Variants in B4GALT2 observed in about 807,000 individuals in gnomAD.
B4GALT2 encodes beta-1,4-galactosyltransferase 2, also known as N-acetyllactosamine synthase.
In B4GALT2, 18 loss-of-function variants were observed where a neutral mutation model predicts 33.2. That is an observed-to-expected ratio of 0.54 (90% CI 0.38 to 0.80). B4GALT2 has a LOEUF of 0.80. Ranked by LOEUF, B4GALT2 falls within the 30% of genes least tolerant of loss-of-function variation. The pLI, the probability that B4GALT2 is intolerant of heterozygous loss-of-function variation, is 0.00. For synonymous variants in B4GALT2, 214 were observed against 217.6 expected (o/e 0.98, Z 0.15); for missense variants, 404 against 526.2 (o/e 0.77, Z 2.27).
rs375329179 is a variant in B4GALT2, at chr1:43,981,140, G to A, written c.-21G>A. 92 of 1,596,454 alleles carry A rather than the reference G, an allele frequency of 5.8e-5. No individual in the cohort carries two copies. The African/African-American group carries it at 9.3e-4, about 16-fold the overall frequency. ...AGCCGGATGCCCGGGCCCACTGGGC[G>A]GGCCAGTGGCCGCCTGCGGGATGAG... On this transcript the variant is annotated 5_prime_UTR_variant, in exon 2 of 7. Coordinates refer to ENST00000372324, the MANE Select transcript of B4GALT2 (RefSeq NM_003780.5). The surrounding 1 kb of genome is among the most constrained non-coding windows in gnomAD (Gnocchi z 8.1).
In B4GALT2 at chr1:43,984,937, G is replaced by A. The variant is rs753370693; in HGVS notation, c.622G>A (p.Ala208Thr). 20 of 1,613,898 alleles carry A rather than the reference G, an allele frequency of 1.2e-5. No homozygotes were observed. The highest frequency in any genetic ancestry group is 8.9e-5 in the East Asian group (4 of 44,892). Reference protein sequence around the residue: ...GFLEALKEDAAYDCFIFSDVD... With the variant: ...GFLEALKEDATYDCFIFSDVD... ...CCTAGAGGCGCTGAAGGAGGATGCC[G>A]CCTATGACTGCTTCATCTTCAGCGA... is the stretch of plus-strand genomic sequence containing the variant. Residue 208 changes from alanine to threonine, a missense_variant, in exon 4 of 7, where the codon GCC becomes ACC. Coordinates refer to ENST00000372324, the MANE Select transcript of B4GALT2 (RefSeq NM_003780.5). This position sits in a 1 kb window ranked among gnomAD's most constrained non-coding sequence, Gnocchi z 5.6.
Position 43,981,146 on chromosome 1 carries a change from G to C in B4GALT2, c.-15G>C, listed in dbSNP as rs756580465. ...ATGCCCGGGCCCACTGGGCGGGCCA[G>C]TGGCCGCCTGCGGGATGAGCAGACT... On this transcript the variant is annotated 5_prime_UTR_variant, in exon 2 of 7. Transcript: ENST00000372324. This position sits in a 1 kb window ranked among gnomAD's most constrained non-coding sequence, Gnocchi z 8.1. The C allele has an allele frequency of 6.9e-6, 11 of 1,597,422 alleles. No homozygotes were observed. In the East Asian group the frequency reaches 2.2e-4, roughly 32 times the overall value.
chr1:43,980,535 GA>G, intron 1 of B4GALT2: 1 of 994,760 alleles, frequency 1.0e-6, no homozygotes, highest in Non-Finnish European at 1.2e-6. Context: ...TTGTCGCTGG[GA>G]TCTGAATGAC....
Position 43,984,399 on chromosome 1 carries a change from G to T in B4GALT2, c.550-466G>T, listed in dbSNP as rs2085633173. On this transcript the variant is annotated intron_variant, in intron 3 of 6. Transcript: ENST00000372324. This position sits in a 1 kb window ranked among gnomAD's most constrained non-coding sequence, Gnocchi z 5.6. Reference sequence around the variant, plus strand: ...AATCCCCGCTAGCACAAAGGAGAGAGCGCCACAGGGCATGTTTGAATGAGT... The same window carrying T: ...AATCCCCGCTAGCACAAAGGAGAGATCGCCACAGGGCATGTTTGAATGAGT... Among the ~76,000 whole-genome samples, 1 of 152,268 alleles carries T rather than the reference G, an allele frequency of 6.6e-6. No homozygotes were observed. The highest frequency in any genetic ancestry group is 2.4e-5 in the African/African-American group (1 of 41,478).
At chr1:43,980,779 C>T (rs1341536896) in intron 1 of B4GALT2, among the ~76,000 whole-genome samples, 9 of 152,072 alleles carry the variant, frequency 5.9e-5, no homozygotes, top group African/African-American at 1.9e-4. Context: ...TTAGAGTTCA[C>T]GTGTCTGTGT....
At chr1:43,983,462 G>A (rs1411238690) in intron 3 of B4GALT2, among the ~76,000 whole-genome samples, 1 of 152,230 alleles carries the variant, frequency 6.6e-6, no homozygotes, top group Non-Finnish European at 1.5e-5. Context: ...CTGTGGGGGT[G>A]TGAGGAGGGA....
chr1:43,990,381 G>C lies in B4GALT2; in HGVS notation c.1052G>C (p.Arg351Pro), dbSNP rs373333463. 1.2e-6 allele frequency: 2 copies of C among 1,613,990 alleles called. No individual in the cohort carries two copies. The highest frequency in any genetic ancestry group is 1.3e-5 in the African/African-American group (1 of 74,872). The change falls in exon 7 of 7, where the codon CGG (arginine) becomes CCG (proline). Residue 351 changes from arginine to proline, a missense_variant. Physicochemically the swap from Arg to Pro is moderately radical, Grantham distance 103. Transcript: ENST00000372324. ...SVRYQVLEVSRQPLFTNITVD... is the reference protein window; with the variant it reads ...SVRYQVLEVSPQPLFTNITVD... ...CGGTACCAGGTCTTGGAGGTGTCTC[G>C]GCAACCACTCTTCACCAATATCACA...
chr1:43,985,433 TGGG>T, intron 5 of B4GALT2, 33 bp downstream of exon 5: 1 of 143,552 alleles, frequency 7.0e-6, no homozygotes, highest in Non-Finnish European at 1.2e-5. Flanking sequence ...ATAGGCTGGG[TGGG>T]GGGGGGAGGG....
At chr1:43,983,327 G>A (rs181568077) in intron 3 of B4GALT2, among the ~76,000 whole-genome samples, 1 of 152,222 alleles carries the variant, frequency 6.6e-6, no homozygotes, top group East Asian at 1.9e-4. Context: ...GGGATGGAGG[G>A]AGAAAGAGGC....
chr1:43,984,900 T>A lies in B4GALT2; in HGVS notation c.585T>A (p.Leu195=), dbSNP rs2085638055. ...GEDTFNRAKL[L]NVGFLEALKE... is the part of the protein sequence containing the mutation. ...ACACCTTCAACCGGGCCAAGCTGCT[T>A]AACGTGGGCTTCCTAGAGGCGCTGA... The change falls in exon 4 of 7, where the codon CTT becomes CTA. Residue 195 remains leucine, a synonymous_variant. Transcript: ENST00000372324. The surrounding 1 kb of genome is among the most constrained non-coding windows in gnomAD (Gnocchi z 5.6). 6.2e-7 allele frequency: 1 copy of A among 1,613,882 alleles called. No homozygotes were observed. The highest frequency in any genetic ancestry group is 8.5e-7 in the Non-Finnish European group (1 of 1,179,972).
chr1:43,985,828 A>G (rs2085653176), intron 6 of B4GALT2: 1 of 600,242 alleles, frequency 1.7e-6, no homozygotes, highest in East Asian at 2.8e-5. Context: ...TTGTCCCCCA[A>G]CCCCCAGCCC....
intron 6 of B4GALT2, 196 bp downstream of exon 6, chr1:43,985,817 G>A (rs772940013): frequency 1.3e-4 from 80 of 610,048 alleles, no homozygotes; most frequent in Non-Finnish European, 2.0e-4. Context: ...ACCCCTGATC[G>A]TTGTCCCCCA....
At position 43,985,494 on chromosome 1, in the gene B4GALT2, AGTCTGTCC is replaced by A; in HGVS notation, c.864-19_864-12del. The A allele has an allele frequency of 6.2e-7, 1 of 1,606,268 alleles. No individual in the cohort carries two copies. The highest frequency in any genetic ancestry group is 8.5e-7 in the Non-Finnish European group (1 of 1,177,084). On this transcript the variant is annotated splice_polypyrimidine_tract_variant and intron_variant, in intron 5 of 6. Coordinates refer to ENST00000372324, the MANE Select transcript of B4GALT2 (RefSeq NM_003780.5). Reference sequence around the variant, plus strand: ...CTTTGCCCTTCCTGGAGCCTGTTCCAGTCTGTCCGTCCCCATCCTCAGGATCTCCCTGA... The same window carrying A: ...CTTTGCCCTTCCTGGAGCCTGTTCCAGTCCCCATCCTCAGGATCTCCCTGA...
At chr1:43,980,553 A>T in intron 1 of B4GALT2, 1 of 993,978 alleles carries the variant, frequency 1.0e-6, no homozygotes, top group Non-Finnish European at 1.2e-6. Flanking sequence ...TGACCAAACC[A>T]CTTCCCACCA....
rs2085564903 is a variant in B4GALT2, at chr1:43,979,215, T to C, written c.-349T>C. 7.0e-6 allele frequency: 1 copy of C among 143,814 alleles called. No individual in the cohort carries two copies. The highest frequency in any genetic ancestry group is 6.9e-5 in the Admixed American group (1 of 14,586). The allele number at this position is 143,814 out of a possible 1,614,324, so 8.9% of individuals were successfully genotyped here. ...CGGGCGCGCGGGCCGGGCCTGCCCC[T>C]CCGAGGCGCCGTAGCGCGGGAGGGA... is the stretch of plus-strand genomic sequence containing the variant. On this transcript the variant is annotated 5_prime_UTR_variant, in exon 1 of 7. Transcript: ENST00000372324. This position sits in a 1 kb window ranked among gnomAD's most constrained non-coding sequence, Gnocchi z 4.8.
rs999217959 is a variant in B4GALT2, at chr1:43,982,429, G to A, written c.549+505G>A. ...CAGAGACCTCCTAGACTTGGACATG[G>A]GTCCCTCCCGTATGATGGGACACAA... On this transcript the variant is annotated intron_variant, in intron 3 of 6. Coordinates refer to ENST00000372324, the MANE Select transcript of B4GALT2 (RefSeq NM_003780.5). This position sits in a 1 kb window ranked among gnomAD's most constrained non-coding sequence, Gnocchi z 4.3. Among the ~76,000 whole-genome samples the A allele has an allele frequency of 3.9e-5, 6 of 152,138 alleles. No homozygotes were observed. Among genetic ancestry groups the A allele is most frequent in the Non-Finnish European group, 8.8e-5 (6 of 68,022 alleles).
Position 43,979,930 on chromosome 1 carries a change from T to C in B4GALT2, c.-53+419T>C. On this transcript the variant is annotated intron_variant, in intron 1 of 6. Coordinates refer to ENST00000372324, the MANE Select transcript of B4GALT2 (RefSeq NM_003780.5). This position sits in a 1 kb window ranked among gnomAD's most constrained non-coding sequence, Gnocchi z 4.8. ...GCACCCCTCAGCCTGGCCGCCAGCC[T>C]GACCCAGAACCCCTGCGCCGGAGGG... is the stretch of plus-strand genomic sequence containing the variant. 2 of 1,499,110 alleles carry C rather than the reference T, an allele frequency of 1.3e-6. No individual in the cohort carries two copies. Among genetic ancestry groups the C allele is most frequent in the South Asian group, 1.2e-5 (1 of 82,468 alleles). The allele number at this position is 1,499,110 out of a possible 1,614,324, so 92.9% of individuals were successfully genotyped here.
At chr1:43,985,081 C>T (rs1427815040) in intron 4 of B4GALT2, 26 bp downstream of exon 4, 3 of 1,610,008 alleles carry the variant, frequency 1.9e-6, no homozygotes, top group African/African-American at 1.3e-5. Flanking sequence ...TCAGCTGGAC[C>T]CAGCCCTCCT....
chr1:43,987,437 G>T (rs1390475968), intron 6 of B4GALT2, among the ~76,000 whole-genome samples: 1 of 152,148 alleles, frequency 6.6e-6, no homozygotes, highest in Non-Finnish European at 1.5e-5. Context: ...CAGATTCACA[G>T]AGTTCACAAA....
Sources: allele counts gnomAD v4.1 joint callset (sites outside exome capture counted in the v4.1 genomes callset), GRCh38; gene constraint gnomAD v4.1.1; non-coding constraint Gnocchi (gnomAD v3.1); transcripts MANE v1.5; gene names NCBI Gene and HGNC (gene_info 2026-07-23, HGNC 2026-07-21).